The following CSMD1 variants were observed in gnomAD, a reference collection of about 807,000 sequenced individuals.
The protein encoded by CSMD1 is CUB and sushi domain-containing protein 1.
Under a neutral mutation model 417.5 loss-of-function variants are expected in CSMD1, and 213 were observed. That is an observed-to-expected ratio of 0.51 (90% CI 0.46 to 0.57). The LOEUF (loss-of-function observed/expected upper bound fraction) is 0.57. Ranked by LOEUF, CSMD1 falls within the 20% of genes least tolerant of loss-of-function variation. CSMD1 has a pLI of 0.00. For missense variants in CSMD1, 6,923 were observed against 4,529.7 expected (o/e 1.53, Z -15.17); for synonymous variants, 2,862 against 1,736.8 (o/e 1.65, Z -16.11).
chr8:3,919,435 G>C (rs181032916), intron 5 of CSMD1, among the ~76,000 whole-genome samples: 40 of 152,066 alleles, frequency 2.6e-4, no homozygotes, highest in African/African-American at 7.5e-4. Flanking sequence ...TTTTTGGTTA[G>C]TTGGCAGTTT....
chr8:3,386,854 T>G (rs192328706), intron 18 of CSMD1, among the ~76,000 whole-genome samples: 30 of 152,312 alleles, frequency 2.0e-4, no homozygotes, highest in African/African-American at 7.0e-4. Context: ...GGCAAATGAT[T>G]ACAAGCAACA....
intron 42 of CSMD1, among the ~76,000 whole-genome samples, chr8:3,115,702 T>C (rs1816824725): frequency 6.6e-6 from 1 of 152,242 alleles, no homozygotes; most frequent in African/African-American, 2.4e-5. Flanking sequence ...TAGATTCTTA[T>C]GCAGCTTAAC....
intron 6 of CSMD1, among the ~76,000 whole-genome samples, chr8:3,751,324 GTGTA>G (rs748442474): frequency 0.01 from 1,509 of 145,232 alleles, 16 homozygotes; most frequent in South Asian, 0.027. Context: ...GTGTGTGTGT[GTGTA>G]TATATATATA....
intron 10 of CSMD1, among the ~76,000 whole-genome samples, chr8:3,564,110 C>T (rs1799591806): frequency 6.6e-6 from 1 of 152,120 alleles, no homozygotes; most frequent in African/African-American, 2.4e-5. Flanking sequence ...AACAGGAATA[C>T]TCATCACTTC....
At chr8:3,197,185 G>A (rs957959970) in intron 33 of CSMD1, among the ~76,000 whole-genome samples, 3 of 152,158 alleles carry the variant, frequency 2.0e-5, no homozygotes, top group Non-Finnish European at 2.9e-5. Flanking sequence ...AGGATGACAT[G>A]GAGGGTGGGA....
chr8:3,140,585 A>G (rs1158575779), intron 41 of CSMD1, among the ~76,000 whole-genome samples: 2 of 152,122 alleles, frequency 1.3e-5, no homozygotes, highest in Non-Finnish European at 2.9e-5. Flanking sequence ...GTCTGTGTCT[A>G]TATTTTATAT....
At chr8:3,961,448 C>A (rs981966315) in intron 5 of CSMD1, among the ~76,000 whole-genome samples, 1 of 152,122 alleles carries the variant, frequency 6.6e-6, no homozygotes, top group South Asian at 2.1e-4. Flanking sequence ...ATCTTTGACA[C>A]AGATTTAAAT....
chr8:4,798,103 G>T (rs944954586), intron 1 of CSMD1, among the ~76,000 whole-genome samples: 1 of 152,286 alleles, frequency 6.6e-6, no homozygotes, highest in African/African-American at 2.4e-5. Flanking sequence ...ATGTTGGCAT[G>T]CTGTACCCAA....
intron 3 of CSMD1, among the ~76,000 whole-genome samples, chr8:4,212,619 C>A (rs971646780): frequency 6.6e-6 from 1 of 151,976 alleles, no homozygotes; most frequent in Admixed American, 6.6e-5. Context: ...AAACAATGAT[C>A]CTGTCTACTA....
intron 5 of CSMD1, among the ~76,000 whole-genome samples, chr8:3,754,822 A>G (rs1797566758): frequency 6.6e-6 from 1 of 152,196 alleles, no homozygotes; most frequent in Admixed American, 6.5e-5. Context: ...CTTGGTAACA[A>G]GCTATATTCC....
intron 3 of CSMD1, among the ~76,000 whole-genome samples, chr8:4,325,601 G>A (rs144737071): frequency 0.018 from 2,756 of 152,228 alleles, 46 homozygotes; most frequent in Middle Eastern, 0.12. Flanking sequence ...ATAGTAGGCA[G>A]GGCAACATGA....
At chr8:4,930,857 TTAA>T (rs1192641068) in intron 1 of CSMD1, among the ~76,000 whole-genome samples, 1 of 152,258 alleles carries the variant, frequency 6.6e-6, no homozygotes, top group Non-Finnish European at 1.5e-5. Context: ...TCTTAATTTC[TTAA>T]TAAAGGGTTC....
chr8:4,488,756 G>C (rs965308799), intron 2 of CSMD1, among the ~76,000 whole-genome samples: 16 of 151,988 alleles, frequency 1.1e-4, no homozygotes, highest in Admixed American at 3.3e-4. Context: ...TCAGAAGTCA[G>C]CTATGACCCG....
intron 3 of CSMD1, among the ~76,000 whole-genome samples, chr8:4,034,056 G>C (rs536618807): frequency 2.0e-5 from 3 of 152,118 alleles, no homozygotes; most frequent in Non-Finnish European, 2.9e-5. Flanking sequence ...TTTCATGTCT[G>C]TATCCATTGT....
chr8:4,670,506 A>G (rs895352693), intron 1 of CSMD1, among the ~76,000 whole-genome samples: 2 of 152,186 alleles, frequency 1.3e-5, no homozygotes, highest in African/African-American at 4.8e-5. Context: ...TCATTATTAT[A>G]ATTAAAAGTG....
intron 26 of CSMD1, among the ~76,000 whole-genome samples, chr8:3,271,803 T>A (rs1280811370): frequency 6.6e-6 from 1 of 152,146 alleles, no homozygotes; most frequent in African/African-American, 2.4e-5. Context: ...TAAATTTGTT[T>A]GAGTTCATTA....
chr8:4,486,312 C>T (rs1458499245), intron 2 of CSMD1, among the ~76,000 whole-genome samples: 1 of 147,892 alleles, frequency 6.8e-6, no homozygotes, highest in South Asian at 2.1e-4. Context: ...GAGCTTTTAT[C>T]CCCCTAGCTA....
intron 2 of CSMD1, among the ~76,000 whole-genome samples, chr8:4,595,532 T>C (rs919940835): frequency 3.3e-5 from 5 of 152,090 alleles, no homozygotes; most frequent in Admixed American, 1.3e-4. Flanking sequence ...ATGTCTACTG[T>C]AGACTAGCTC....
chr8:4,714,836 C>A (rs892884883), intron 1 of CSMD1, among the ~76,000 whole-genome samples: 1 of 152,082 alleles, frequency 6.6e-6, no homozygotes, highest in African/African-American at 2.4e-5. Flanking sequence ...TTAGATTTTT[C>A]TTTTGCTCCA....
Sources: gnomAD v4.1 joint callset for allele counts (sites outside exome capture counted in the v4.1 genomes callset) on GRCh38, gnomAD v4.1.1 for gene constraint, MANE v1.5 for transcripts, NCBI Gene and HGNC (gene_info 2026-07-23, HGNC 2026-07-21) for gene names.